The following STMN2 variants were observed in gnomAD, a reference collection of about 807,000 sequenced individuals.
The protein encoded by STMN2 is stathmin-2.
A neutral mutation model predicts 24.1 loss-of-function variants in STMN2; 2 were observed. The ratio of observed to expected loss-of-function variants is 0.08; its 90% confidence interval spans 0.03 to 0.26. STMN2 has a LOEUF of 0.26. Ranked by LOEUF, STMN2 falls within the 10% of genes least tolerant of loss-of-function variation. The pLI is 1.00. For missense variants in STMN2, 114 were observed against 213.6 expected, an observed-to-expected ratio of 0.53 and a Z score of 2.91; for synonymous variants, 83 against 77.5, an observed-to-expected ratio of 1.07 and a Z score of -0.37.
chr8:79,620,979 C>T, intron 1 of STMN2: 1 of 985,128 alleles, frequency 1.0e-6, no homozygotes, highest in Non-Finnish European at 1.2e-6. Context: ...TGTAGGGTCC[C>T]CAAGCAGCAG....
intron 1 of STMN2, among the ~76,000 whole-genome samples, chr8:79,620,150 C>T (rs1043056112): frequency 6.8e-6 from 1 of 148,034 alleles, no homozygotes; most frequent in Admixed American, 6.8e-5. Context: ...ACTCGGAACA[C>T]AGGTCTAATA....
intron 3 of STMN2, among the ~76,000 whole-genome samples, chr8:79,647,993 C>T (rs973226533): frequency 5.9e-5 from 9 of 152,328 alleles, no homozygotes; most frequent in Middle Eastern, 6.8e-3. Context: ...AGCTAACTCT[C>T]GTTGTTTTGA....
At chr8:79,613,295 G>T (rs1490042887) in intron 1 of STMN2, among the ~76,000 whole-genome samples, 2 of 152,186 alleles carry the variant, frequency 1.3e-5, no homozygotes, top group Non-Finnish European at 2.9e-5. Flanking sequence ...GCCGCCTACC[G>T]CTGGCCGGGT....
At chr8:79,620,881 T>C in intron 1 of STMN2, 1 of 781,296 alleles carries the variant, frequency 1.3e-6, no homozygotes, top group Non-Finnish European at 1.6e-6. Flanking sequence ...GCAGGTCCCA[T>C]GGATTTGCAT....
intron 1 of STMN2, chr8:79,620,912 G>T: frequency 1.0e-6 from 1 of 966,858 alleles, no homozygotes; most frequent in African/African-American, 1.8e-5. Context: ...CTCCCAGGTG[G>T]TGCTGATGAG....
chr8:79,638,668 C>A (rs1375167145), intron 2 of STMN2, among the ~76,000 whole-genome samples: 1 of 152,142 alleles, frequency 6.6e-6, no homozygotes, highest in African/African-American at 2.4e-5. Context: ...ATCATTTAAT[C>A]TTCACAACCA....
chr8:79,632,123 A>C (rs1332576478), intron 1 of STMN2, among the ~76,000 whole-genome samples: 1 of 152,214 alleles, frequency 6.6e-6, no homozygotes, highest in Admixed American at 6.5e-5. Context: ...TGCAGGGTCC[A>C]TAGCTAGTGC....
chr8:79,647,274 T>C (rs1225939032), intron 3 of STMN2, among the ~76,000 whole-genome samples: 1 of 152,208 alleles, frequency 6.6e-6, no homozygotes, highest in East Asian at 1.9e-4. Flanking sequence ...ATAAGCAGTA[T>C]TGCACTAAAT....
rs1215554613 is a variant in STMN2 at position 79,663,579 on chromosome 8, G to C, written c.481-1236G>C. 3 of 1,520,898 alleles carry C rather than the reference G, an allele frequency of 2.0e-6. No homozygotes were observed. The East Asian group carries it at 7.4e-5, about 37-fold the overall frequency. 94.2% of individuals were successfully genotyped at this position (1,520,898 alleles called of 1,614,324 possible). On this transcript the variant is annotated intron_variant, in intron 4 of 4. Coordinates refer to ENST00000220876, the MANE Select transcript of STMN2 (RefSeq NM_007029.4). The stretch of plus-strand genomic sequence containing the variant: ...GTTTAACGATAAGTTTTACTTTATA[G>C]CTGGTCAAGTTTATTTCTTCTGAAC...
At chr8:79,616,478 A>G (rs906413921) in intron 1 of STMN2, among the ~76,000 whole-genome samples, 3 of 152,210 alleles carry the variant, frequency 2.0e-5, no homozygotes, top group Non-Finnish European at 4.4e-5. Flanking sequence ...GTGTTCCTCA[A>G]ACTTTGATGT....
At chr8:79,621,023 A>G in intron 1 of STMN2, 1 of 985,238 alleles carries the variant, frequency 1.0e-6, no homozygotes, top group Non-Finnish European at 1.2e-6. Context: ...TCCTCTGTGG[A>G]GCTCTGCAAC....
At chr8:79,622,013 A>C (rs1420291843) in intron 1 of STMN2, among the ~76,000 whole-genome samples, 1 of 152,222 alleles carries the variant, frequency 6.6e-6, no homozygotes, top group African/African-American at 2.4e-5. Flanking sequence ...AACGAATGTA[A>C]AATCCTATGA....
intron 3 of STMN2, among the ~76,000 whole-genome samples, chr8:79,644,283 G>C (rs999549528): frequency 1.3e-5 from 2 of 152,230 alleles, no homozygotes; most frequent in Non-Finnish European, 2.9e-5. Context: ...AGTATTATCA[G>C]AAAACTTTCT....
At chr8:79,636,417 A>T (rs1196837925) in intron 1 of STMN2, among the ~76,000 whole-genome samples, 1 of 152,176 alleles carries the variant, frequency 6.6e-6, no homozygotes, top group African/African-American at 2.4e-5. Context: ...CTTATGTACA[A>T]TAGACCTGCA....
At chr8:79,630,901 T>TA (rs5892683) in intron 1 of STMN2, among the ~76,000 whole-genome samples, 4 of 152,050 alleles carry the variant, frequency 2.6e-5, no homozygotes, top group South Asian at 2.1e-4. Flanking sequence ...CTTAGGGGGA[T>TA]AAAAAAATCC....
intron 1 of STMN2, among the ~76,000 whole-genome samples, chr8:79,628,341 T>A (rs1014280348): frequency 6.6e-6 from 1 of 151,990 alleles, no homozygotes; most frequent in African/African-American, 2.4e-5. Context: ...TTTTTGTATG[T>A]TTAGTAGAGA....
Position 79,664,877 on chromosome 8 carries a change from C to G in STMN2, c.*3C>G. On this transcript the variant is annotated 3_prime_UTR_variant, in exon 5 of 5. Transcript: ENST00000220876. ...TCCAGGTTGAACTGTCTGGCTGAAG[C>G]AAGGGAGGGTCTGGCACGCCCCACC... 6.2e-7 allele frequency: 1 copy of G among 1,612,218 alleles called. No individual in the cohort carries two copies. Among genetic ancestry groups the G allele is most frequent in the Non-Finnish European group, 8.5e-7 (1 of 1,179,254 alleles).
intron 1 of STMN2, among the ~76,000 whole-genome samples, chr8:79,612,147 C>A (rs1394605276): frequency 6.6e-5 from 10 of 151,572 alleles, no homozygotes; most frequent in Admixed American, 6.6e-4. Flanking sequence ...GGAGCCCAAC[C>A]CTGCGGGGAC....
At chr8:79,626,262 A>G (rs1393908028) in intron 1 of STMN2, among the ~76,000 whole-genome samples, 2 of 152,192 alleles carry the variant, frequency 1.3e-5, no homozygotes, top group Admixed American at 6.5e-5. Context: ...TAAGGGAGAG[A>G]ACATATAAAT....
Sources: gnomAD v4.1 joint callset for allele counts (sites outside exome capture counted in the v4.1 genomes callset) on GRCh38, gnomAD v4.1.1 for gene constraint, MANE v1.5 for transcripts, NCBI Gene and HGNC (gene_info 2026-07-23, HGNC 2026-07-21) for gene names.